The following FAM163B variants were observed in gnomAD, a reference collection of about 807,000 sequenced individuals.
The protein encoded by FAM163B is protein FAM163B.
In FAM163B, 4 loss-of-function variants were observed where a neutral mutation model predicts 7.6. The observed-to-expected ratio is 0.52, with a 90% CI of 0.26 to 1.20. FAM163B has a LOEUF of 1.20. Ranked by LOEUF, FAM163B falls within the 50% of genes most tolerant of loss-of-function variation. The probability of loss-of-function intolerance (pLI) is 0.14; values close to 1 mark genes in which losing one functional copy is unlikely to be tolerated. For missense variants in FAM163B, 250 were observed against 243.0 expected (o/e 1.03, Z -0.19); for synonymous variants, 120 against 111.6 (o/e 1.07, Z -0.47).
At position 133,606,095 on chromosome 9, in the gene FAM163B, C is replaced by A. The variant is rs1331597861; in HGVS notation, c.-24+2982G>T. Among the ~76,000 whole-genome samples the A allele has an allele frequency of 6.6e-6, 1 of 152,204 alleles. No homozygotes were observed. Among genetic ancestry groups the A allele is most frequent in the Admixed American group, 6.5e-5 (1 of 15,282 alleles). On this transcript the variant is annotated intron_variant, in intron 1 of 2. Transcript: ENST00000673969. The surrounding 1 kb of genome is among the most constrained non-coding windows in gnomAD (Gnocchi z 4.0). ...ACCGGACCCCACCTGACTCTCCAGC[C>A]TCCTCCTTCACTGATGAGGCCCGAG...
At chr9:133,586,430 T>C (rs1831439079) in intron 1 of FAM163B, among the ~76,000 whole-genome samples, 1 of 152,158 alleles carries the variant, frequency 6.6e-6, no homozygotes, top group African/African-American at 2.4e-5. Context: ...AACTCGTTCG[T>C]GCCCAGGGTT....
At position 133,589,034 on chromosome 9, in the gene FAM163B, G is replaced by T. The variant is rs577238818; in HGVS notation, c.-23-8788C>A. On this transcript the variant is annotated intron_variant, in intron 1 of 2. Transcript: ENST00000673969. ...AGGCCCTACAACTGTTGACATTGAT[G>T]ATTTCAATACAGCAGAGAAACCTGC... 3.3e-5 allele frequency among the ~76,000 whole-genome samples: 5 copies of T among 152,252 alleles called. 1 individual carries two copies. The South Asian group carries it at 1.0e-3, about 32-fold the overall frequency.
chr9:133,581,409 G>A (rs1233667332), intron 1 of FAM163B, among the ~76,000 whole-genome samples: 4 of 152,196 alleles, frequency 2.6e-5, no homozygotes, highest in African/African-American at 9.6e-5. Flanking sequence ...GGTGGAGGAA[G>A]AGATTGGAGT....
intron 1 of FAM163B, among the ~76,000 whole-genome samples, chr9:133,583,762 G>C (rs62575372): frequency 0.025 from 3,734 of 152,306 alleles, 62 homozygotes; most frequent in Middle Eastern, 0.079. Flanking sequence ...CAGGTGCCCA[G>C]GGCTGTCAGC....
rs564580967 is a variant in FAM163B, at chr9:133,602,602, G to GT, written c.-24+6474dup. Among the ~76,000 whole-genome samples the GT allele has an allele frequency of 6.5e-3, 962 of 148,368 alleles. 7 individuals are homozygous for GT. Among genetic ancestry groups the GT allele is most frequent in the African/African-American group, 0.011 (439 of 40,596 alleles). On this transcript the variant is annotated intron_variant, in intron 1 of 2. Coordinates refer to ENST00000673969, the MANE Select transcript of FAM163B (RefSeq NM_001080515.3). The stretch of plus-strand genomic sequence containing the variant: ...GTTCAAGACTCTGTGTTGGAAAACA[G>GT]TTTTTTTTTTTAAATAGAGATCTGT...
intron 1 of FAM163B, among the ~76,000 whole-genome samples, chr9:133,581,892 C>T (rs1831361948): frequency 6.6e-6 from 1 of 152,200 alleles, no homozygotes; most frequent in Admixed American, 6.5e-5. Flanking sequence ...TCTCCCAGCC[C>T]ATTGCTGCAG....
In FAM163B at chr9:133,578,067, C is replaced by T. The variant is rs1403658176; in HGVS notation, c.*955G>A. Among the ~76,000 whole-genome samples the T allele has an allele frequency of 6.6e-6, 1 of 152,146 alleles. No homozygotes were observed. The highest frequency in any genetic ancestry group is 1.5e-5 in the Non-Finnish European group (1 of 68,034). ...CCCACAGCCTGAAGACCTCTGTCCTCAGGGTCTCTCCTCATCACACAAGAT... is the reference window on the plus strand; with the variant it reads ...CCCACAGCCTGAAGACCTCTGTCCTTAGGGTCTCTCCTCATCACACAAGAT... On this transcript the variant is annotated 3_prime_UTR_variant, in exon 3 of 3. Coordinates refer to ENST00000673969, the MANE Select transcript of FAM163B (RefSeq NM_001080515.3).
At chr9:133,592,510 G>A (rs1270882245) in intron 1 of FAM163B, among the ~76,000 whole-genome samples, 2 of 152,188 alleles carry the variant, frequency 1.3e-5, no homozygotes, top group African/African-American at 4.8e-5. Context: ...AGGTGCCCAC[G>A]CTGGCTGTGC....
intron 1 of FAM163B, among the ~76,000 whole-genome samples, chr9:133,596,791 T>C (rs1425387483): frequency 1.3e-5 from 2 of 152,158 alleles, no homozygotes; most frequent in African/African-American, 4.8e-5. Context: ...GGCTGAACAG[T>C]GACTCAAATG....
chr9:133,590,059 T>TCCCTTCCCTTC (rs1564193376), intron 1 of FAM163B, among the ~76,000 whole-genome samples: 6 of 23,262 alleles, frequency 2.6e-4, no homozygotes, highest in African/African-American at 4.4e-4. Context: ...TCCCTTCCCT[T>TCCCTTCCCTTC]CCCTTCCCCT....
chr9:133,584,627 C>T (rs1831405527), intron 1 of FAM163B, among the ~76,000 whole-genome samples: 1 of 152,210 alleles, frequency 6.6e-6, no homozygotes, highest in Admixed American at 6.5e-5. Flanking sequence ...AAGCTGAGTG[C>T]CTGAGAGAAC....
At chr9:133,590,009 G>A (rs1016114780) in intron 1 of FAM163B, among the ~76,000 whole-genome samples, 17 of 151,318 alleles carry the variant, frequency 1.1e-4, no homozygotes, top group African/African-American at 3.2e-4. Context: ...AGTTGGGTTC[G>A]TAAAACCCTC....
intron 1 of FAM163B, among the ~76,000 whole-genome samples, chr9:133,589,694 A>C (rs887013473): frequency 6.6e-6 from 1 of 151,894 alleles, no homozygotes; most frequent in Non-Finnish European, 1.5e-5. Flanking sequence ...CCACACTTGC[A>C]CCGCAGGCCC....
In FAM163B at chr9:133,606,014, CCTGTGGA is replaced by C. The variant is rs1831785205; in HGVS notation, c.-24+3056_-24+3062del. Among the ~76,000 whole-genome samples, 1 of 152,194 alleles carries C rather than the reference CCTGTGGA, an allele frequency of 6.6e-6. No homozygotes were observed. Among genetic ancestry groups the C allele is most frequent in the Admixed American group, 6.5e-5 (1 of 15,290 alleles). ...CCCTCCGGGCTCCCAGAGCCTGGTT[CCTGTGGA>C]CTGCGGCGGAAAGCCCAACCACTGA... On this transcript the variant is annotated intron_variant, in intron 1 of 2. Coordinates refer to ENST00000673969, the MANE Select transcript of FAM163B (RefSeq NM_001080515.3). This position sits in a 1 kb window ranked among gnomAD's most constrained non-coding sequence, Gnocchi z 4.0.
intron 1 of FAM163B, among the ~76,000 whole-genome samples, chr9:133,595,598 C>T (rs1293608970): frequency 1.3e-5 from 2 of 152,162 alleles, no homozygotes; most frequent in African/African-American, 4.8e-5. Flanking sequence ...CTCCTACTCT[C>T]CTGACCTCTA....
chr9:133,590,115 C>T (rs190320950), intron 1 of FAM163B, among the ~76,000 whole-genome samples: 176 of 12,734 alleles, frequency 0.014, 1 homozygote, highest in Middle Eastern at 0.062. Context: ...CCCTTCCCCT[C>T]CCCTTCCCCT....
At chr9:133,603,724 G>A (rs1365316750) in intron 1 of FAM163B, among the ~76,000 whole-genome samples, 2 of 152,236 alleles carry the variant, frequency 1.3e-5, no homozygotes, top group Admixed American at 6.5e-5. Flanking sequence ...CCTCCAGGAA[G>A]CCTTCCCTGC....
At chr9:133,596,368 AT>A (rs1223536521) in intron 1 of FAM163B, among the ~76,000 whole-genome samples, 1 of 140,638 alleles carries the variant, frequency 7.1e-6, no homozygotes, top group African/African-American at 2.6e-5. Context: ...GTTTGATAAA[AT>A]GGAGATGACA....
intron 1 of FAM163B, among the ~76,000 whole-genome samples, chr9:133,581,952 G>A (rs900548390): frequency 1.3e-5 from 2 of 152,212 alleles, no homozygotes; most frequent in African/African-American, 4.8e-5. Context: ...TTACAAAGTA[G>A]TGACTTTCCA....
Sources: allele counts gnomAD v4.1 joint callset (sites outside exome capture counted in the v4.1 genomes callset), GRCh38; gene constraint gnomAD v4.1.1; non-coding constraint Gnocchi (gnomAD v3.1); transcripts MANE v1.5; gene names NCBI Gene and HGNC (gene_info 2026-07-23, HGNC 2026-07-21).